EFCAB14: variants seen among roughly 807,000 people sequenced by gnomAD.
EFCAB14 encodes the protein EF-hand calcium binding domain 14.
EFCAB14 carries 43 observed loss-of-function variants against 56.5 expected under a neutral mutation model. That is an observed-to-expected ratio of 0.76 (90% confidence interval 0.60 to 0.98). The LOEUF is 0.98. Ranked by LOEUF, EFCAB14 falls within the 50% of genes least tolerant of loss-of-function variation. The pLI is 0.00. For synonymous variants in EFCAB14, 235 were observed against 212.9 expected (o/e 1.10, Z -0.90); for missense variants, 538 against 580.3 (o/e 0.93, Z 0.75).
chr1:46,716,609 T>C (rs879480576), intron 1 of EFCAB14, among the ~76,000 whole-genome samples, 166 bp from the exon 2 acceptor site: 1 of 152,192 alleles, frequency 6.6e-6, no homozygotes, highest in Non-Finnish European at 1.5e-5. Context: ...TAATATGACC[T>C]ATTAAGGGTT....
chr1:46,712,922 G>A (rs548571369), intron 2 of EFCAB14, among the ~76,000 whole-genome samples: 213 of 152,170 alleles, frequency 1.4e-3, no homozygotes, highest in Middle Eastern at 0.01. Flanking sequence ...GCTGTGGTAG[G>A]AGAATCACTT....
At chr1:46,716,506 A>C (rs1677397517) in intron 1 of EFCAB14, 63 bp from the exon 2 acceptor site, 4 of 1,569,528 alleles carry the variant, frequency 2.5e-6, no homozygotes, top group Non-Finnish European at 3.5e-6. Flanking sequence ...CTTTATTAGC[A>C]ATAGTACACG....
At position 46,705,621 on chromosome 1, in the gene EFCAB14, G is replaced by A. The variant is rs540619336; in HGVS notation, c.480+2285C>T. Among the ~76,000 whole-genome samples, 16 of 152,252 alleles carry A rather than the reference G, an allele frequency of 1.1e-4. No individual in the cohort carries two copies. In the South Asian group the frequency reaches 3.1e-3, roughly 30 times the overall value. On this transcript the variant is annotated intron_variant, in intron 3 of 10. Transcript: ENST00000371933. Reference sequence around the variant, plus strand: ...GTGTGTATGAGTAAGCCCTGCGATGGGGGTGGCGTCCTGTCCAGGGCTGTT... The same window carrying A: ...GTGTGTATGAGTAAGCCCTGCGATGAGGGTGGCGTCCTGTCCAGGGCTGTT...
In EFCAB14 at chr1:46,683,439, A is replaced by G. The variant is rs1399875902; in HGVS notation, c.1187-14T>C. 3.1e-6 allele frequency: 5 copies of G among 1,611,120 alleles called. No homozygotes were observed. Among genetic ancestry groups the G allele is most frequent in the African/African-American group, 1.3e-5 (1 of 74,776 alleles). On this transcript the variant is annotated splice_polypyrimidine_tract_variant and intron_variant, in intron 9 of 10. Transcript: ENST00000371933. ...TCTCTACTTGCTCTGTAACAAATAC[A>G]TAAGGTTTTATTTAGTATTATTGAA... is the stretch of plus-strand genomic sequence containing the variant.
chr1:46,697,787 AAAAC>A (rs573829422), intron 3 of EFCAB14, among the ~76,000 whole-genome samples: 53 of 152,316 alleles, frequency 3.5e-4, no homozygotes, highest in African/African-American at 1.3e-3. Context: ...AGGTGACAGA[AAAAC>A]AAAGAAAAGA....
At chr1:46,698,183 C>T (rs1400355002) in intron 3 of EFCAB14, among the ~76,000 whole-genome samples, 2 of 152,100 alleles carry the variant, frequency 1.3e-5, no homozygotes, top group African/African-American at 2.4e-5. Context: ...ACAAAGCTCC[C>T]TGAGTAAGTA....
At chr1:46,714,113 C>T (rs1302922187) in intron 2 of EFCAB14, among the ~76,000 whole-genome samples, 1 of 151,916 alleles carries the variant, frequency 6.6e-6, no homozygotes, top group African/African-American at 2.4e-5. Context: ...ACATCATTAA[C>T]ACACTAAAAA....
chr1:46,696,760 G>T, intron 3 of EFCAB14, 111 bp from the exon 4 acceptor site: 1 of 969,170 alleles, frequency 1.0e-6, no homozygotes, highest in Non-Finnish European at 1.6e-6. Context: ...GATTTTATGT[G>T]TTTCTGCAAC....
At position 46,718,064 on chromosome 1, in the gene EFCAB14, A is replaced by T. The variant is rs1677425706; in HGVS notation, c.24T>A (p.Asn8Lys). ...TGTCCCCAGCCAAACCAATCAATGC[A>T]TTGAGCTCTTTGCGCTTTTTCATCT... MKKRKEL[N>K]ALIGLAGDSR... Residue 8 changes from asparagine to lysine, a missense_variant, in exon 1 of 11, where the codon AAT (asparagine) becomes AAA (lysine). Asn to Lys is a moderately conservative substitution (Grantham distance 94). Transcript: ENST00000371933. 3.7e-6 allele frequency: 6 copies of T among 1,614,102 alleles called. No homozygotes were observed. The East Asian group carries it at 1.1e-4, about 30-fold the overall frequency.
In EFCAB14 at chr1:46,678,340, G is replaced by T; in HGVS notation, c.*121C>A. The T allele has an allele frequency of 2.0e-6, 2 of 981,580 alleles. No homozygotes were observed. Among genetic ancestry groups the T allele is most frequent in the South Asian group, 1.7e-5 (1 of 58,988 alleles). 60.8% of individuals were successfully genotyped at this position (981,580 alleles called of 1,614,324 possible). A position where few individuals can be genotyped will look rare whatever the true frequency, so the allele number is the denominator to read the frequency against. On this transcript the variant is annotated 3_prime_UTR_variant, in exon 11 of 11. Transcript: ENST00000371933. ...TATAGCTTCTTCAAACAAGTTAAAA[G>T]GTGGCAAAGTATCTGCTACAGTAGT...
intron 3 of EFCAB14, among the ~76,000 whole-genome samples, chr1:46,706,922 T>C (rs547824379): frequency 2.0e-5 from 3 of 152,352 alleles, no homozygotes; most frequent in East Asian, 3.9e-4. Flanking sequence ...TGGGTAATGA[T>C]GTAAAACATT....
intron 8 of EFCAB14, among the ~76,000 whole-genome samples, chr1:46,686,257 G>C (rs572411325): frequency 1.3e-5 from 2 of 152,180 alleles, no homozygotes; most frequent in South Asian, 4.1e-4. Context: ...AAGGGAACTG[G>C]CTGAGGTTTA....
At chr1:46,706,759 T>C (rs1677238877) in intron 3 of EFCAB14, among the ~76,000 whole-genome samples, 2 of 152,234 alleles carry the variant, frequency 1.3e-5, no homozygotes, top group South Asian at 4.1e-4. Flanking sequence ...GGGTAAATAC[T>C]AGACGGCTGT....
chr1:46,694,309 A>G (rs1271785901), intron 4 of EFCAB14, among the ~76,000 whole-genome samples: 3 of 152,246 alleles, frequency 2.0e-5, no homozygotes, highest in Non-Finnish European at 4.4e-5. Flanking sequence ...GAATGGAAGA[A>G]AATTTTTGCA....
At chr1:46,696,734 T>C (rs780129017) in intron 3 of EFCAB14, 85 bp from the exon 4 acceptor site, 292 of 1,253,882 alleles carry the variant, frequency 2.3e-4, no homozygotes, top group Middle Eastern at 3.9e-4. Flanking sequence ...CGGTTGGTGA[T>C]GTCAAGATAG....
At chr1:46,697,374 C>G (rs1677091296) in intron 3 of EFCAB14, among the ~76,000 whole-genome samples, 2 of 152,204 alleles carry the variant, frequency 1.3e-5, no homozygotes, top group African/African-American at 4.8e-5. Context: ...AACATCTAGA[C>G]TTCGCTCTTG....
chr1:46,697,856 T>TC (rs1677099093), intron 3 of EFCAB14, among the ~76,000 whole-genome samples: 8 of 73,378 alleles, frequency 1.1e-4, no homozygotes, highest in East Asian at 9.2e-4. Context: ...CTCTCTCTCT[T>TC]TTTTTTTTTT....
intron 3 of EFCAB14, among the ~76,000 whole-genome samples, chr1:46,700,698 A>G (rs1677141938): frequency 6.6e-6 from 1 of 152,222 alleles, no homozygotes; most frequent in Non-Finnish European, 1.5e-5. Context: ...GCTCATGTAC[A>G]TGATATATTT....
At chr1:46,703,524 A>G (rs1346199422) in intron 3 of EFCAB14, among the ~76,000 whole-genome samples, 1 of 152,184 alleles carries the variant, frequency 6.6e-6, no homozygotes, top group Admixed American at 6.5e-5. Flanking sequence ...ACCCACAGCC[A>G]GCAGAACCAT....
Sources: allele counts gnomAD v4.1 joint callset (sites outside exome capture counted in the v4.1 genomes callset), GRCh38; gene constraint gnomAD v4.1.1; transcripts MANE v1.5; gene names NCBI Gene and HGNC (gene_info 2026-07-23, HGNC 2026-07-21).